The following RIMS2 variants were observed in gnomAD, a reference collection of about 807,000 sequenced individuals.
RIMS2 encodes the protein regulating synaptic membrane exocytosis 2, also known as regulating synaptic membrane exocytosis protein 2.
In RIMS2, 59 loss-of-function variants were observed where a neutral mutation model predicts 174.4. The observed-to-expected ratio is 0.34, with a 90% CI of 0.27 to 0.42. The LOEUF is 0.42. Ranked by LOEUF, RIMS2 falls within the 10% of genes least tolerant of loss-of-function variation. The pLI is 1.00. For missense variants in RIMS2, 1,620 were observed against 1,666.3 expected (o/e 0.97, Z 0.48); for synonymous variants, 606 against 572.5 (o/e 1.06, Z -0.84).
At chr8:103,784,978 T>C (rs1345323474) in intron 3 of RIMS2, among the ~76,000 whole-genome samples, 45 of 137,156 alleles carry the variant, frequency 3.3e-4, no homozygotes, top group South Asian at 7.3e-4. Flanking sequence ...TTGAAGAGGT[T>C]CTTCACATCC....
chr8:103,598,807 T>C (rs974722959), intron 1 of RIMS2, among the ~76,000 whole-genome samples: 2 of 152,280 alleles, frequency 1.3e-5, no homozygotes, highest in Non-Finnish European at 2.9e-5. Flanking sequence ...AAATAGGAGA[T>C]AGAGCTTCTT....
chr8:104,063,622 C>A (rs150064586), intron 19 of RIMS2, among the ~76,000 whole-genome samples: 1 of 152,264 alleles, frequency 6.6e-6, no homozygotes, highest in African/African-American at 2.4e-5. Flanking sequence ...TTGCAAATTT[C>A]TAATTTTCTC....
chr8:104,244,928 A>G, exon 20 of RIMS2: 1 of 1,613,676 alleles, frequency 6.2e-7, no homozygotes, highest in African/African-American at 1.3e-5. Flanking sequence ...GCAGGAGGTA[A>G]AAAACTAAGG....
chr8:103,873,084 CTA>C (rs1205222253), intron 3 of RIMS2, among the ~76,000 whole-genome samples: 24 of 152,152 alleles, frequency 1.6e-4, no homozygotes, highest in Non-Finnish European at 2.9e-4. Flanking sequence ...GAACACAACT[CTA>C]GACTTAAAAT....
intron 22 of RIMS2, 75 bp from the exon 29 acceptor site, chr8:104,250,949 G>A: frequency 7.6e-7 from 1 of 1,308,472 alleles, no homozygotes; most frequent in Middle Eastern, 1.9e-4. Context: ...TACTAAACTG[G>A]TAAATGTCAC....
intron 1 of RIMS2, among the ~76,000 whole-genome samples, chr8:103,586,616 T>G (rs1372600700): frequency 2.6e-5 from 4 of 152,080 alleles, no homozygotes; most frequent in Non-Finnish European, 5.9e-5. Flanking sequence ...GAGGGAAATT[T>G]ATAAGTGCCT....
chr8:103,980,626 G>A (rs1036697241), intron 16 of RIMS2, among the ~76,000 whole-genome samples: 1 of 152,180 alleles, frequency 6.6e-6, no homozygotes, highest in African/African-American at 2.4e-5. Flanking sequence ...CAGGCTCATG[G>A]AGTCCCTGAG....
chr8:103,603,896 T>C (rs1456360855), intron 1 of RIMS2, among the ~76,000 whole-genome samples: 1 of 148,284 alleles, frequency 6.7e-6, no homozygotes, highest in East Asian at 1.9e-4. Context: ...TTCTGGATAT[T>C]AGCCCTTTGT....
At chr8:104,192,755 A>G (rs2099004163) in intron 19 of RIMS2, among the ~76,000 whole-genome samples, 1 of 152,164 alleles carries the variant, frequency 6.6e-6, no homozygotes, top group Non-Finnish European at 1.5e-5. Context: ...AGCCTTGTAT[A>G]AAGTTGTGCA....
chr8:103,546,397 C>T (rs2131412869), intron 1 of RIMS2, among the ~76,000 whole-genome samples: 1 of 152,182 alleles, frequency 6.6e-6, no homozygotes, highest in African/African-American at 2.4e-5. Context: ...TCTTAGAGAC[C>T]TATGAGGAGC....
intron 2 of RIMS2, among the ~76,000 whole-genome samples, chr8:103,730,785 T>C (rs895808224): frequency 3.3e-5 from 5 of 152,242 alleles, no homozygotes; most frequent in African/African-American, 4.8e-5. Flanking sequence ...ATGAAATCTC[T>C]CAGCTTTAGT....
chr8:103,704,507 C>G (rs1343179318), intron 2 of RIMS2, among the ~76,000 whole-genome samples: 2 of 152,016 alleles, frequency 1.3e-5, no homozygotes, highest in Non-Finnish European at 2.9e-5. Context: ...GTAGTCTCTC[C>G]TCTTCAAAAC....
At chr8:103,544,220 A>G (rs571684619) in intron 1 of RIMS2, among the ~76,000 whole-genome samples, 7 of 152,274 alleles carry the variant, frequency 4.6e-5, no homozygotes, top group African/African-American at 1.7e-4. Context: ...TGTCCGGGGA[A>G]ACACCTGAGT....
At chr8:104,250,266 T>C (rs2099354699) in intron 22 of RIMS2, among the ~76,000 whole-genome samples, 1 of 152,188 alleles carries the variant, frequency 6.6e-6, no homozygotes, top group Non-Finnish European at 1.5e-5. Context: ...ACTGATTGAC[T>C]TGTAATTTTG....
intron 19 of RIMS2, among the ~76,000 whole-genome samples, chr8:104,054,014 A>G (rs2096830475): frequency 6.6e-6 from 1 of 152,152 alleles, no homozygotes; most frequent in African/African-American, 2.4e-5. Flanking sequence ...AACATCCTCA[A>G]TGTAACAAGT....
rs191082525 is a variant in RIMS2, at chr8:104,077,052, T to C, written c.3334+62437T>C. Among the ~76,000 whole-genome samples the C allele has an allele frequency of 1.6e-4, 24 of 152,226 alleles. 1 individual carries two copies. In the East Asian group the frequency reaches 4.6e-3, roughly 29 times the overall value. ...CCAGGCTGGTTTTGAACTCCTGACC[T>C]CAAGTGATCCGCCCACCTTGGCCTC... On this transcript the variant is annotated intron_variant, in intron 19 of 23. Coordinates refer to ENST00000504942, the Ensembl canonical transcript of RIMS2.
intron 2 of RIMS2, among the ~76,000 whole-genome samples, chr8:103,741,643 A>G: frequency 6.6e-6 from 1 of 152,028 alleles, no homozygotes; most frequent in Non-Finnish European, 1.5e-5. Flanking sequence ...ACTTAGAGGC[A>G]CCTTGTTTAA....
At chr8:103,553,515 G>T (rs1012945870) in intron 1 of RIMS2, among the ~76,000 whole-genome samples, 6 of 152,042 alleles carry the variant, frequency 3.9e-5, no homozygotes, top group African/African-American at 1.5e-4. Context: ...GTTAATGGGT[G>T]CAGCACACCA....
intron 1 of RIMS2, among the ~76,000 whole-genome samples, chr8:103,606,945 CT>C (rs1314249252): frequency 6.6e-6 from 1 of 152,034 alleles, no homozygotes; most frequent in Non-Finnish European, 1.5e-5. Context: ...TGAGTCTTGA[CT>C]CTTTATCCAA....
Sources: gnomAD v4.1 joint callset for allele counts (sites outside exome capture counted in the v4.1 genomes callset) on GRCh38, gnomAD v4.1.1 for gene constraint, MANE v1.5 for transcripts, NCBI Gene and HGNC (gene_info 2026-07-23, HGNC 2026-07-21) for gene names.